The following TRIM23 variants were observed in gnomAD, a reference collection of about 807,000 sequenced individuals.
The protein encoded by TRIM23 is tripartite motif containing 23, also known as E3 ubiquitin-protein ligase TRIM23.
In TRIM23, 27 loss-of-function variants were observed where a neutral mutation model predicts 71.0. The ratio of observed to expected loss-of-function variants is 0.38; its 90% CI spans 0.28 to 0.52. The LOEUF (loss-of-function observed/expected upper bound fraction) is 0.52. TRIM23 is among the 20% of genes least tolerant of loss of function. The pLI, the probability that TRIM23 is intolerant of heterozygous loss-of-function variation, is 0.84. For missense variants in TRIM23, 482 were observed against 692.3 expected (o/e 0.70, Z 3.41); for synonymous variants, 234 against 238.0 (o/e 0.98, Z 0.16).
At chr5:65,610,830 T>G (rs750550286) in intron 5 of TRIM23, 31 bp downstream of exon 5, 11 of 1,528,738 alleles carry the variant, frequency 7.2e-6, no homozygotes, top group Admixed American at 4.6e-5. Context: ...TAAAAAAGAA[T>G]GAGAAAGTGA....
At chr5:65,621,527 C>T (rs1754946658) in intron 1 of TRIM23, among the ~76,000 whole-genome samples, 1 of 152,156 alleles carries the variant, frequency 6.6e-6, no homozygotes, top group East Asian at 1.9e-4. Context: ...TTTAAAAGAA[C>T]TTCCTTATGC....
intron 10 of TRIM23, among the ~76,000 whole-genome samples, chr5:65,592,203 C>T (rs1754058130): frequency 6.6e-6 from 1 of 152,030 alleles, no homozygotes; most frequent in Non-Finnish European, 1.5e-5. Context: ...TCCTTGCAAC[C>T]TAAAAGGAAA....
chr5:65,600,091 T>A lies in TRIM23; in HGVS notation c.1180-2911A>T, dbSNP rs1754320570. Among the ~76,000 whole-genome samples, 3 of 151,964 alleles carry A rather than the reference T, an allele frequency of 2.0e-5. No individual in the cohort carries two copies. The South Asian group carries it at 6.3e-4, about 32-fold the overall frequency. ...AGGGTGGGGGAGGTGCCACACACTT[T>A]TAAACGACCAGATCTCATGAGAACT... On this transcript the variant is annotated intron_variant, in intron 7 of 10. Transcript: ENST00000231524.
intron 2 of TRIM23, among the ~76,000 whole-genome samples, chr5:65,616,377 G>A (rs1334042643): frequency 1.3e-5 from 2 of 152,072 alleles, no homozygotes; most frequent in East Asian, 3.9e-4. Context: ...CAGGTGTGGT[G>A]GCTCATGCCT....
At position 65,614,200 on chromosome 5, in the gene TRIM23, T is replaced by C. The variant is rs1330239994; in HGVS notation, c.264A>G (p.Gly88=). The C allele has an allele frequency of 1.2e-6, 2 of 1,613,418 alleles. No individual in the cohort carries two copies. The highest frequency in any genetic ancestry group is 8.5e-7 in the Non-Finnish European group (1 of 1,179,632). ...CCAATAAAGCAAAATTTTTTTTCAA[T>C]CCCCAGACACCTGAATCACCTAGAA... The part of the protein sequence containing the change: ...VTDLGDSGVW[G]LKKNFALLEL... Residue 88 remains glycine, a synonymous_variant, in exon 3 of 11, where the codon GGA becomes GGG. Coordinates refer to ENST00000231524, the MANE Select transcript of TRIM23 (RefSeq NM_001656.4).
At position 65,597,011 on chromosome 5, in the gene TRIM23, G is replaced by A. The variant is rs369194985; in HGVS notation, c.1309+40C>T. 8.1e-6 allele frequency: 13 copies of A among 1,606,388 alleles called. No individual in the cohort carries two copies. The African/African-American group carries it at 1.5e-4, about 18-fold the overall frequency. On this transcript the variant is annotated intron_variant, in intron 8 of 10. Coordinates refer to ENST00000231524, the MANE Select transcript of TRIM23 (RefSeq NM_001656.4). ...ACCCCAAGAACTTGGCTGTAAGCTAGGGTTTGTCTATTAAGGTAAAAACCA... is the reference window on the plus strand; with the variant it reads ...ACCCCAAGAACTTGGCTGTAAGCTAAGGTTTGTCTATTAAGGTAAAAACCA...
intron 3 of TRIM23, among the ~76,000 whole-genome samples, chr5:65,612,149 T>C (rs1424678517): frequency 6.6e-6 from 1 of 152,186 alleles, no homozygotes; most frequent in Non-Finnish European, 1.5e-5. Context: ...TCATATTCGG[T>C]GCAAAGATCT....
intron 1 of TRIM23, among the ~76,000 whole-genome samples, chr5:65,620,372 T>G (rs1350667089): frequency 6.6e-6 from 1 of 152,150 alleles, no homozygotes; most frequent in Admixed American, 6.5e-5. Flanking sequence ...TAAAGCATCA[T>G]TTGCATTAGC....
Position 65,611,667 on chromosome 5 carries a change from C to A in TRIM23, c.581G>T (p.Gly194Val), listed in dbSNP as rs1333391959. ...GCACATGAGTGGGCTAGTTTGACAA[C>A]CTTCTTCCAAGCAAACAAACTCAAT... ...HAIEFVCLEE[G>V]CQTSPLMCCV... The change falls in exon 4 of 11, where the codon GGT becomes GTT. Residue 194 changes from glycine (G) to valine (V), a missense_variant. Around this residue, in one of 2 missense-constraint regions of TRIM23, gnomAD observed 307 missense variants for 495.8 expected, o/e 0.62. Coordinates refer to ENST00000231524, the MANE Select transcript of TRIM23 (RefSeq NM_001656.4). 2.5e-6 allele frequency: 4 copies of A among 1,614,198 alleles called. No homozygotes were observed. The highest frequency in any genetic ancestry group is 3.4e-6 in the Non-Finnish European group (4 of 1,180,038).
chr5:65,597,631 A>T (rs1754244286), intron 7 of TRIM23, among the ~76,000 whole-genome samples: 1 of 152,208 alleles, frequency 6.6e-6, no homozygotes, highest in Admixed American at 6.5e-5. Flanking sequence ...TTTTTAAAAA[A>T]GTATTACCCA....
In TRIM23 at chr5:65,610,915, A is replaced by G. The variant is rs1458242957; in HGVS notation, c.774T>C (p.Ile258=). The stretch of plus-strand genomic sequence containing the variant: ...CTTCCACGATTTGTTCTCCTCCTTC[A>G]ATGTGCTGCACAATTCCAACTAATT... ...SRKLVGIVQH[I]EGGEQIVEDG... is the part of the protein sequence containing the mutation. Residue 258 remains isoleucine, a synonymous_variant, in exon 5 of 11, where the codon ATT becomes ATC. Coordinates refer to ENST00000231524, the MANE Select transcript of TRIM23 (RefSeq NM_001656.4). 6.2e-7 allele frequency: 1 copy of G among 1,613,494 alleles called. No homozygotes were observed. The highest frequency in any genetic ancestry group is 1.7e-5 in the Admixed American group (1 of 59,830).
rs533602816 is a variant in TRIM23 at position 65,602,891 on chromosome 5, G to A, written c.1179+2020C>T. 5.5e-4 allele frequency among the ~76,000 whole-genome samples: 84 copies of A among 152,264 alleles called. No homozygotes were observed. In the Middle Eastern group the frequency reaches 0.014, roughly 25 times the overall value. ...CCTCCCCCTGGGTCCCTCCCAAAAC[G>A]TGGGAATTCTGGGAGATACAATTCA... On this transcript the variant is annotated intron_variant, in intron 7 of 10. Transcript: ENST00000231524.
intron 1 of TRIM23, 127 bp downstream of exon 1, chr5:65,624,067 T>C (rs1174209819): frequency 3.8e-6 from 4 of 1,065,806 alleles, no homozygotes; most frequent in Non-Finnish European, 5.5e-6. Flanking sequence ...AGACTTGTAA[T>C]GCCAAAAGGG....
intron 6 of TRIM23, among the ~76,000 whole-genome samples, chr5:65,606,289 C>CA (rs1333259164): frequency 2.6e-5 from 4 of 151,670 alleles, no homozygotes; most frequent in East Asian, 1.9e-4. Context: ...ACGAAAAATA[C>CA]AAAAAAAGTA....
In TRIM23 at chr5:65,605,059, A is replaced by T; in HGVS notation, c.1045-14T>A. ...TCTACAATCATCCTATAAGAGGCAA[A>T]ACAATATTTCTTATAAACTTTTTAT... On this transcript the variant is annotated splice_polypyrimidine_tract_variant and intron_variant, in intron 6 of 10. Transcript: ENST00000231524. 6.3e-7 allele frequency: 1 copy of T among 1,586,286 alleles called. No individual in the cohort carries two copies.
intron 1 of TRIM23, among the ~76,000 whole-genome samples, chr5:65,620,076 C>G (rs1467575833): frequency 1.3e-5 from 2 of 152,080 alleles, no homozygotes; most frequent in African/African-American, 4.8e-5. Flanking sequence ...CAGAATGACA[C>G]TCGGTCTCAA....
At chr5:65,600,877 C>G (rs1754345332) in intron 7 of TRIM23, among the ~76,000 whole-genome samples, 1 of 152,014 alleles carries the variant, frequency 6.6e-6, no homozygotes. Flanking sequence ...AGATGGCCAA[C>G]AATTATATGA....
At chr5:65,604,604 A>G in intron 7 of TRIM23, 1 of 186,288 alleles carries the variant, frequency 5.4e-6, no homozygotes, top group Admixed American at 6.1e-5. Flanking sequence ...AGGAAGATTC[A>G]TTATATATAC....
chr5:65,622,929 A>T (rs1182206220), intron 1 of TRIM23, among the ~76,000 whole-genome samples: 1 of 152,202 alleles, frequency 6.6e-6, no homozygotes, highest in Non-Finnish European at 1.5e-5. Context: ...TTAATTCACA[A>T]ACTGCTCTTC....
Sources: allele counts gnomAD v4.1 joint callset (sites outside exome capture counted in the v4.1 genomes callset), GRCh38; gene constraint gnomAD v4.1.1; regional missense constraint gnomAD v4.1.1; transcripts MANE v1.5; gene names NCBI Gene and HGNC (gene_info 2026-07-23, HGNC 2026-07-21).